Variants in GALNTL6 observed in about 807,000 individuals in gnomAD.
GALNTL6 encodes polypeptide N-acetylgalactosaminyltransferase-like 6.
GALNTL6 carries 46 observed loss-of-function variants against 73.7 expected under a neutral mutation model. The observed-to-expected ratio is 0.62, with a 90% CI of 0.49 to 0.80. The LOEUF (loss-of-function observed/expected upper bound fraction) is 0.80. Ranked by LOEUF, GALNTL6 falls within the 30% of genes least tolerant of loss-of-function variation. The pLI, the probability that GALNTL6 is intolerant of heterozygous loss-of-function variation, is 0.00. For missense variants in GALNTL6, 604 were observed against 755.0 expected, an observed-to-expected ratio of 0.80 and a Z score of 2.34; for synonymous variants, 259 against 263.7, an observed-to-expected ratio of 0.98 and a Z score of 0.17.
Position 172,334,946 on chromosome 4 carries a change from A to G in GALNTL6, c.387-13577A>G, listed in dbSNP as rs377265313. Among the ~76,000 whole-genome samples the G allele has an allele frequency of 3.7e-3, 567 of 151,390 alleles. 3 individuals carry two copies. Among genetic ancestry groups the G allele is most frequent in the African/African-American group, 0.013 (537 of 41,320 alleles). ...TTGTAAAGAGATGTTGAATTTTATC[A>G]AAACCTTTTTCTTTGTCTATTGATA... is the stretch of plus-strand genomic sequence containing the variant. On this transcript the variant is annotated intron_variant, in intron 4 of 12. Transcript: ENST00000506823.
chr4:172,863,500 G>C (rs1744503234), intron 7 of GALNTL6, among the ~76,000 whole-genome samples: 1 of 152,140 alleles, frequency 6.6e-6, no homozygotes, highest in South Asian at 2.1e-4. Context: ...TTTAAGATTT[G>C]ACTGCCCCAC....
intron 10 of GALNTL6, among the ~76,000 whole-genome samples, chr4:173,001,685 G>A (rs1246427207): frequency 1.3e-5 from 2 of 152,072 alleles, no homozygotes; most frequent in Non-Finnish European, 2.9e-5. Flanking sequence ...AACCACAAAT[G>A]ACTCAATTCA....
At chr4:171,955,940 G>T (rs1560857915) in intron 2 of GALNTL6, among the ~76,000 whole-genome samples, 1 of 152,012 alleles carries the variant, frequency 6.6e-6, no homozygotes, top group African/African-American at 2.4e-5. Context: ...AAGTATTATA[G>T]TTTTTGGTAT....
At chr4:172,866,575 C>T (rs916676792) in intron 7 of GALNTL6, among the ~76,000 whole-genome samples, 11 of 152,154 alleles carry the variant, frequency 7.2e-5, no homozygotes, top group African/African-American at 2.7e-4. Flanking sequence ...GTTACATTAC[C>T]TTACAAAGTC....
chr4:172,357,843 C>T (rs1402856125), intron 5 of GALNTL6, among the ~76,000 whole-genome samples: 1 of 152,098 alleles, frequency 6.6e-6, no homozygotes, highest in Non-Finnish European at 1.5e-5. Context: ...CTAGCTCTAT[C>T]ACTTGACAGC....
chr4:171,886,328 CATA>C (rs1308731322), intron 2 of GALNTL6, among the ~76,000 whole-genome samples: 3 of 152,062 alleles, frequency 2.0e-5, no homozygotes, highest in Admixed American at 6.6e-5. Flanking sequence ...ATAATTGAAT[CATA>C]ATGACAAAAG....
chr4:172,825,942 A>G (rs1166645592), intron 7 of GALNTL6, among the ~76,000 whole-genome samples: 1 of 152,182 alleles, frequency 6.6e-6, no homozygotes, highest in African/African-American at 2.4e-5. Context: ...AAGAATTTAC[A>G]TTTTAACTTT....
At chr4:172,369,798 C>T (rs1285776712) in intron 5 of GALNTL6, among the ~76,000 whole-genome samples, 1 of 152,198 alleles carries the variant, frequency 6.6e-6, no homozygotes. Context: ...CCACCTGGAA[C>T]TCGCACTTGT....
At chr4:172,334,985 T>G (rs1741260321) in intron 4 of GALNTL6, among the ~76,000 whole-genome samples, 3 of 146,628 alleles carry the variant, frequency 2.0e-5, no homozygotes, top group Middle Eastern at 3.5e-3. Context: ...TCATATGACT[T>G]TTTTTTTTTT....
chr4:171,875,292 G>A (rs1736245277), intron 2 of GALNTL6, among the ~76,000 whole-genome samples: 1 of 152,184 alleles, frequency 6.6e-6, no homozygotes, highest in African/African-American at 2.4e-5. Flanking sequence ...GAGAGGAATG[G>A]ACTGACCGGG....
chr4:172,469,349 A>G (rs1017954964), intron 5 of GALNTL6, among the ~76,000 whole-genome samples: 4 of 152,118 alleles, frequency 2.6e-5, no homozygotes, highest in Admixed American at 1.3e-4. Context: ...CTCATGTCTG[A>G]AACCCCAGCA....
chr4:172,427,353 A>T (rs1295500659), intron 5 of GALNTL6, among the ~76,000 whole-genome samples: 1 of 152,130 alleles, frequency 6.6e-6, no homozygotes, highest in African/African-American at 2.4e-5. Context: ...TAAAACCATC[A>T]GATCTCATGA....
intron 2 of GALNTL6, among the ~76,000 whole-genome samples, chr4:171,977,684 C>G (rs546652360): frequency 6.6e-6 from 1 of 152,264 alleles, no homozygotes; most frequent in South Asian, 2.1e-4. Flanking sequence ...GTGAGGGTGA[C>G]ACAACTCACC....
chr4:172,305,261 G>A (rs1740087261), intron 3 of GALNTL6, among the ~76,000 whole-genome samples: 2 of 152,042 alleles, frequency 1.3e-5, no homozygotes, highest in African/African-American at 2.4e-5. Context: ...TAAATTACAT[G>A]TTAAGTATCT....
At chr4:172,385,409 A>C (rs1743429997) in intron 5 of GALNTL6, among the ~76,000 whole-genome samples, 1 of 152,084 alleles carries the variant, frequency 6.6e-6, no homozygotes, top group African/African-American at 2.4e-5. Context: ...ATTATCAATT[A>C]GTCTTTCAGT....
At position 172,384,969 on chromosome 4, in the gene GALNTL6, T is replaced by TTGTG. The variant is rs71655291; in HGVS notation, c.553+36302_553+36305dup. Among the ~76,000 whole-genome samples, 549 of 145,380 alleles carry TTGTG rather than the reference T, an allele frequency of 3.8e-3. 4 individuals are homozygous for TTGTG. Among genetic ancestry groups the TTGTG allele is most frequent in the South Asian group, 0.016 (73 of 4,610 alleles). ...ATTTCAATTATGTTATGTTGTAATT[T>TTGTG]TGTGTGTGTGTGTGTGTGTGTGTGT... On this transcript the variant is annotated intron_variant, in intron 5 of 12. Transcript: ENST00000506823.
intron 4 of GALNTL6, among the ~76,000 whole-genome samples, chr4:172,317,593 G>A (rs957014113): frequency 2.0e-5 from 3 of 152,056 alleles, no homozygotes; most frequent in African/African-American, 7.2e-5. Flanking sequence ...GAATAGTTAT[G>A]TATTCAATTT....
chr4:172,461,395 G>A (rs564328634), intron 5 of GALNTL6, among the ~76,000 whole-genome samples: 1 of 152,206 alleles, frequency 6.6e-6, no homozygotes, highest in African/African-American at 2.4e-5. Context: ...CATAAGGGAA[G>A]ATAAATTTTA....
intron 5 of GALNTL6, among the ~76,000 whole-genome samples, chr4:172,644,192 A>G (rs1271546374): frequency 6.6e-6 from 1 of 151,908 alleles, no homozygotes; most frequent in African/African-American, 2.4e-5. Flanking sequence ...TGATAAATTT[A>G]TATGTATATG....
Sources: allele counts gnomAD v4.1 joint callset (sites outside exome capture counted in the v4.1 genomes callset), GRCh38; gene constraint gnomAD v4.1.1; transcripts MANE v1.5; gene names NCBI Gene and HGNC (gene_info 2026-07-23, HGNC 2026-07-21).